NALCN: variants seen among roughly 807,000 people sequenced by gnomAD.
NALCN encodes the protein sodium leak channel, non-selective.
In NALCN, 111 loss-of-function variants were observed where a neutral mutation model predicts 225.3. The ratio of observed to expected loss-of-function variants is 0.49; its 90% CI spans 0.42 to 0.58. NALCN has a LOEUF of 0.58. NALCN is among the 20% of genes least tolerant of loss of function. The probability of loss-of-function intolerance (pLI) is 0.00; values close to 1 mark genes in which losing one functional copy is unlikely to be tolerated. For missense variants in NALCN, 1,378 were observed against 2,202.4 expected (o/e 0.63, Z 7.49); for synonymous variants, 764 against 769.0 (o/e 0.99, Z 0.11).
chr13:101,137,356 G>A lies in NALCN; in HGVS notation c.2118+5724C>T, dbSNP rs145005472. ...CTAAAAATGAAAACAGGCTGTGTTC[G>A]TTCGTTCATTTGTTCATTCTCTCTC... On this transcript the variant is annotated intron_variant, in intron 17 of 43. Transcript: ENST00000251127. Among the ~76,000 whole-genome samples the A allele has an allele frequency of 2.9e-3, 443 of 151,488 alleles. 1 individual carries two copies. The highest frequency in any genetic ancestry group is 8.7e-3 in the African/African-American group (360 of 41,256).
At chr13:101,372,970 C>A in intron 6 of NALCN, 1 of 234,552 alleles carries the variant, frequency 4.3e-6, no homozygotes, top group South Asian at 4.7e-5. Context: ...TTATCAATGT[C>A]AGGAAAAAAT....
intron 7 of NALCN, among the ~76,000 whole-genome samples, chr13:101,334,319 C>T (rs1329807251): frequency 7.0e-6 from 1 of 142,598 alleles, no homozygotes; most frequent in Non-Finnish European, 1.5e-5. Flanking sequence ...TTAGGGGAAA[C>T]TTACCTGAGT....
At chr13:101,197,754 G>C (rs1255899504) in intron 13 of NALCN, among the ~76,000 whole-genome samples, 1 of 152,130 alleles carries the variant, frequency 6.6e-6, no homozygotes, top group Non-Finnish European at 1.5e-5. Context: ...CATCTCTAGT[G>C]AATTTTAATG....
intron 7 of NALCN, among the ~76,000 whole-genome samples, chr13:101,332,467 A>G (rs969787258): frequency 4.6e-5 from 7 of 151,610 alleles, no homozygotes; most frequent in African/African-American, 1.7e-4. Context: ...ATTGGCAGTA[A>G]TAGATTCCAG....
rs562546487 is a variant in NALCN at position 101,183,992 on chromosome 13, G to A, written c.1765-7618C>T. On this transcript the variant is annotated intron_variant, in intron 14 of 43. Coordinates refer to ENST00000251127, the MANE Select transcript of NALCN (RefSeq NM_052867.4). The stretch of plus-strand genomic sequence containing the variant: ...TTGGCACTTTTAACAGGTCTATAGC[G>A]TTTGATCATATTAATATGCAACACA... 2.0e-4 allele frequency among the ~76,000 whole-genome samples: 31 copies of A among 152,162 alleles called. No individual in the cohort carries two copies. In the East Asian group the frequency reaches 2.7e-3, roughly 13 times the overall value.
chr13:101,188,720 T>G (rs1007631817), intron 14 of NALCN, among the ~76,000 whole-genome samples: 1 of 151,728 alleles, frequency 6.6e-6, no homozygotes, highest in African/African-American at 2.4e-5. Flanking sequence ...GTTTCACTGT[T>G]GTTGCCCAGG....
chr13:101,300,299 CCCT>C (rs1351585290), intron 7 of NALCN, among the ~76,000 whole-genome samples: 2 of 151,398 alleles, frequency 1.3e-5, no homozygotes, highest in Admixed American at 6.6e-5. Context: ...TTCCTTCCTT[CCCT>C]CCTTCTTCTT....
In NALCN at chr13:101,160,156, A is replaced by C. The variant is rs182271955; in HGVS notation, c.1840-15260T>G. Among the ~76,000 whole-genome samples, 6 of 152,110 alleles carry C rather than the reference A, an allele frequency of 3.9e-5. No homozygotes were observed. In the East Asian group the frequency reaches 1.2e-3, roughly 29 times the overall value. On this transcript the variant is annotated intron_variant, in intron 15 of 43. Coordinates refer to ENST00000251127, the MANE Select transcript of NALCN (RefSeq NM_052867.4). ...TTTTTAGTAGAGACAGGGTTTCACCATGTTAGCCAGGATGGTCTCGATCTC... is the reference window on the plus strand; with the variant it reads ...TTTTTAGTAGAGACAGGGTTTCACCCTGTTAGCCAGGATGGTCTCGATCTC...
At chr13:101,101,334 G>A (rs987702261) in intron 26 of NALCN, among the ~76,000 whole-genome samples, 1 of 139,374 alleles carries the variant, frequency 7.2e-6, no homozygotes, top group African/African-American at 2.8e-5. Flanking sequence ...AGGGTGGAGT[G>A]CAATGGTGCA....
intron 28 of NALCN, 94 bp from the exon 29 acceptor site, chr13:101,090,060 ATGTGTG>A: frequency 1.3e-6 from 2 of 1,554,098 alleles, no homozygotes; most frequent in Non-Finnish European, 1.8e-6. Context: ...AGTGTGGGAT[ATGTGTG>A]TGTGTGTGTA....
At chr13:101,328,903 T>C (rs1482802808) in intron 7 of NALCN, among the ~76,000 whole-genome samples, 1 of 152,190 alleles carries the variant, frequency 6.6e-6, no homozygotes, top group Non-Finnish European at 1.5e-5. Context: ...GAATACTCAC[T>C]ATTGTAGCTC....
At chr13:101,071,543 G>T (rs1245158194) in intron 37 of NALCN, among the ~76,000 whole-genome samples, 1 of 152,068 alleles carries the variant, frequency 6.6e-6, no homozygotes, top group East Asian at 1.9e-4. Flanking sequence ...TTTTTCTACA[G>T]CGTCCTCACC....
At chr13:101,235,121 C>T (rs1431345635) in intron 12 of NALCN, among the ~76,000 whole-genome samples, 2 of 151,472 alleles carry the variant, frequency 1.3e-5, no homozygotes, top group Non-Finnish European at 2.9e-5. Context: ...TGCTGTTTAT[C>T]GTTTAAATAA....
chr13:101,090,700 C>T (rs1056230046), intron 28 of NALCN, among the ~76,000 whole-genome samples: 3 of 152,144 alleles, frequency 2.0e-5, no homozygotes, highest in Non-Finnish European at 4.4e-5. Context: ...TCCTGAAACT[C>T]ATTGGCTTAT....
intron 12 of NALCN, among the ~76,000 whole-genome samples, chr13:101,234,034 C>T (rs1163100673): frequency 6.6e-6 from 1 of 152,128 alleles, no homozygotes; most frequent in African/African-American, 2.4e-5. Context: ...ACAGTTTGCT[C>T]CTTCACTTCA....
intron 33 of NALCN, 83 bp downstream of exon 33, chr13:101,082,726 A>G: frequency 2.2e-6 from 3 of 1,352,026 alleles, no homozygotes; most frequent in South Asian, 2.4e-5. Context: ...CAGAGAGGAG[A>G]GTAAGTGGCA....
chr13:101,114,186 T>C (rs1489947454), intron 18 of NALCN, among the ~76,000 whole-genome samples: 1 of 152,218 alleles, frequency 6.6e-6, no homozygotes, highest in Non-Finnish European at 1.5e-5. Context: ...TTATAAGCTG[T>C]GGGACCTTAG....
In NALCN at chr13:101,150,261, C is replaced by T. The variant is rs182820927; in HGVS notation, c.1840-5365G>A. Among the ~76,000 whole-genome samples, 639 of 151,920 alleles carry T rather than the reference C, an allele frequency of 4.2e-3. 5 individuals carry two copies. The highest frequency in any genetic ancestry group is 7.3e-3 in the Non-Finnish European group (493 of 67,984). On this transcript the variant is annotated intron_variant, in intron 15 of 43. Transcript: ENST00000251127. ...CGTCCTGGGTGGGGGTGGCGGGGAG[C>T]GGGAGGGAGTATGGAAAGGAGCTTC...
At chr13:101,072,225 C>T (rs1469243596) in intron 37 of NALCN, among the ~76,000 whole-genome samples, 1 of 152,074 alleles carries the variant, frequency 6.6e-6, no homozygotes, top group African/African-American at 2.4e-5. Flanking sequence ...GAAAAATGGC[C>T]CTGATAGACC....
Sources: allele counts gnomAD v4.1 joint callset (sites outside exome capture counted in the v4.1 genomes callset), GRCh38; gene constraint gnomAD v4.1.1; transcripts MANE v1.5; gene names NCBI Gene and HGNC (gene_info 2026-07-23, HGNC 2026-07-21).